Variants in URB1 observed in about 807,000 individuals in gnomAD.
URB1 encodes nucleolar pre-ribosomal-associated protein 1.
A neutral mutation model predicts 242.3 loss-of-function variants in URB1; 197 were observed. The ratio of observed to expected loss-of-function variants is 0.81; its 90% CI spans 0.72 to 0.91. The LOEUF (loss-of-function observed/expected upper bound fraction) is 0.91. Among genes scored for constraint, URB1 ranks in the 40% least tolerant of loss-of-function variants. The probability of loss-of-function intolerance (pLI) is 0.00; values close to 1 mark genes in which losing one functional copy is unlikely to be tolerated. For missense variants in URB1, 2,721 were observed against 2,860.5 expected, an observed-to-expected ratio of 0.95 and a Z score of 1.11; for synonymous variants, 1,153 against 1,201.8, an observed-to-expected ratio of 0.96 and a Z score of 0.84.
chr21:32,357,101 G>A (rs2033229366), intron 15 of URB1, among the ~76,000 whole-genome samples: 1 of 152,212 alleles, frequency 6.6e-6, no homozygotes, highest in African/African-American at 2.4e-5. Flanking sequence ...CTGGAAACAT[G>A]AGTATCAAGG....
rs1324197790 is a variant in URB1, at chr21:32,359,797, T to G, written c.1868A>C (p.Gln623Pro). 3 of 1,543,004 alleles carry G rather than the reference T, an allele frequency of 1.9e-6. No homozygotes were observed. Among genetic ancestry groups the G allele is most frequent in the Non-Finnish European group, 1.7e-6 (2 of 1,144,406 alleles). ...PASKFLWLKA[Q>P]EGPDAEIIGG... ...AAGACTGGGAGTTCTGCTTCCTACC[T>G]GTGCCTTTAACCACAGAAACTTGCT... The change falls in exon 14 of 39, where the codon CAG (glutamine) becomes CCG (proline). Residue 623 changes from glutamine (Q) to proline (P), a missense_variant and splice_region_variant. Transcript: ENST00000382751.
Position 32,363,281 on chromosome 21 carries a change from T to C in URB1, c.1384A>G (p.Ile462Val). ...ACAGTTTTTAATGCCCTCTTCAAAA[T>C]GACAGAAATAAGGGATAAGGCTGTG... ...RHTALSLISV[I>V]LKRALKTVDH... The change falls in exon 11 of 39, where the codon ATT becomes GTT. Residue 462 changes from isoleucine to valine, a missense_variant. By Grantham distance (29) the Ile-to-Val change is conservative. Coordinates refer to ENST00000382751, the MANE Select transcript of URB1 (RefSeq NM_014825.3). The C allele has an allele frequency of 6.4e-7, 1 of 1,551,800 alleles. No individual in the cohort carries two copies. The highest frequency in any genetic ancestry group is 8.7e-7 in the Non-Finnish European group (1 of 1,147,028).
intron 1 of URB1, among the ~76,000 whole-genome samples, chr21:32,392,236 TAATTA>T (rs1477899118): frequency 6.6e-6 from 1 of 152,204 alleles, no homozygotes; most frequent in Non-Finnish European, 1.5e-5. Flanking sequence ...ACAAAAAGTG[TAATTA>T]AATTATAGAG....
At chr21:32,325,104 A>G (rs998879649) in intron 31 of URB1, 125 bp downstream of exon 31, 1 of 1,239,594 alleles carries the variant, frequency 8.1e-7, no homozygotes, top group African/African-American at 1.5e-5. Flanking sequence ...TTCAGCAGAG[A>G]TCTCCCGGCA....
chr21:32,380,641 A>T (rs762264495), intron 4 of URB1, among the ~76,000 whole-genome samples: 29 of 152,202 alleles, frequency 1.9e-4, no homozygotes, highest in Non-Finnish European at 3.8e-4. Context: ...CTCCCAAGCC[A>T]TCTCTATGCC....
At chr21:32,384,204 C>A in intron 3 of URB1, 109 bp downstream of exon 3, 1 of 1,344,308 alleles carries the variant, frequency 7.4e-7, no homozygotes, top group Non-Finnish European at 1.0e-6. Flanking sequence ...TCGGAAATAG[C>A]TCAGCTCTCC....
intron 30 of URB1, among the ~76,000 whole-genome samples, chr21:32,329,654 T>TA (rs2032871230): frequency 2.0e-5 from 3 of 152,190 alleles, no homozygotes; most frequent in Non-Finnish European, 2.9e-5. Flanking sequence ...AGAAAATAGG[T>TA]TCCCATTTCC....
At chr21:32,329,696 G>A (rs2032871629) in intron 30 of URB1, among the ~76,000 whole-genome samples, 1 of 152,236 alleles carries the variant, frequency 6.6e-6, no homozygotes, top group Non-Finnish European at 1.5e-5. Flanking sequence ...CAGTGGGACT[G>A]TAATTACTCT....
At chr21:32,317,636 T>C (rs1214064535) in intron 37 of URB1, 40 bp downstream of exon 37, 5 of 1,544,974 alleles carry the variant, frequency 3.2e-6, no homozygotes, top group Non-Finnish European at 2.6e-6. Context: ...GAGAGAGACA[T>C]GTTGGCTACT....
Position 32,347,297 on chromosome 21 carries a change from C to G in URB1, c.3527G>C (p.Trp1176Ser). Reference sequence around the variant, plus strand: ...CAGGCCTCTCACATACTCGGAGGACCACAGGAGCTCACCACTCTGCAGCTG... The same window carrying G: ...CAGGCCTCTCACATACTCGGAGGACGACAGGAGCTCACCACTCTGCAGCTG... ...QDQLQSGELL[W>S]SSEYVRGLGA... is the part of the protein sequence containing the mutation. The change falls in exon 22 of 39, where the codon TGG (tryptophan) becomes TCG (serine). Residue 1176 changes from tryptophan (W) to serine (S), a missense_variant. Trp to Ser is a radical substitution (Grantham distance 177). Transcript: ENST00000382751. 6.4e-7 allele frequency: 1 copy of G among 1,551,192 alleles called. No individual in the cohort carries two copies. The highest frequency in any genetic ancestry group is 8.7e-7 in the Non-Finnish European group (1 of 1,146,988).
At chr21:32,357,717 T>C (rs2033238671) in intron 14 of URB1, 61 bp from the exon 15 acceptor site, 7 of 1,192,244 alleles carry the variant, frequency 5.9e-6, no homozygotes, top group Non-Finnish European at 7.4e-6. Flanking sequence ...AATTTTAATA[T>C]ATAGTTATAT....
intron 4 of URB1, among the ~76,000 whole-genome samples, chr21:32,381,183 A>T (rs578256268): frequency 7.2e-5 from 11 of 152,286 alleles, no homozygotes; most frequent in African/African-American, 2.2e-4. Context: ...AGTGGACCAC[A>T]TGCCTGCTCT....
In URB1 at chr21:32,338,857, C is replaced by T. The variant is rs766091348; in HGVS notation, c.4360G>A (p.Ala1454Thr). The T allele has an allele frequency of 4.1e-5, 63 of 1,550,552 alleles. No homozygotes were observed. Among genetic ancestry groups the T allele is most frequent in the Admixed American group, 3.5e-4 (18 of 50,928 alleles). ...TCTGGGCTGTACAGGAGCTGTACGG[C>T]GGTGAGGAGCATCTTTAAAAATGTG... is the stretch of plus-strand genomic sequence containing the variant. ...DHTFLKMLLT[A>T]VQLLYSPESS... is the part of the protein sequence containing the mutation. Residue 1454 changes from alanine to threonine, a missense_variant, in exon 26 of 39, where the codon GCC becomes ACC. Physicochemically the swap from Ala to Thr is moderately conservative, Grantham distance 58. Transcript: ENST00000382751.
At chr21:32,382,619 T>C (rs760964996) in intron 4 of URB1, among the ~76,000 whole-genome samples, 1 of 152,174 alleles carries the variant, frequency 6.6e-6, no homozygotes, top group African/African-American at 2.4e-5. Context: ...TGGGATGGAC[T>C]GATACCTGTC....
intron 24 of URB1, among the ~76,000 whole-genome samples, chr21:32,342,705 T>TGA (rs59301307): frequency 6.7e-6 from 1 of 148,338 alleles, no homozygotes; most frequent in African/African-American, 2.5e-5. Flanking sequence ...CAGGATCTCC[T>TGA]CTCGCTCCAG....
intron 36 of URB1, 95 bp downstream of exon 36, chr21:32,319,122 T>C: frequency 7.7e-7 from 1 of 1,294,148 alleles, no homozygotes; most frequent in Non-Finnish European, 1.1e-6. Context: ...GTCCCCCTGG[T>C]ACAGAGTCAT....
chr21:32,337,058 C>T, intron 28 of URB1, 36 bp downstream of exon 28: 1 of 1,544,340 alleles, frequency 6.5e-7, no homozygotes, highest in African/African-American at 1.4e-5. Flanking sequence ...CAGGCTGTGA[C>T]CTCAAGGCCT....
At chr21:32,319,507 C>T (rs2032739649) in intron 35 of URB1, 93 bp from the exon 36 acceptor site, 1 of 1,235,568 alleles carries the variant, frequency 8.1e-7, no homozygotes, top group Non-Finnish European at 1.1e-6. Flanking sequence ...TGCTCATCCC[C>T]CTAGATAAGC....
At position 32,392,775 on chromosome 21, in the gene URB1, C is replaced by T. The variant is rs1437863362; in HGVS notation, c.136G>A (p.Gly46Arg). 1.4e-6 allele frequency: 2 copies of T among 1,480,524 alleles called. No homozygotes were observed. The highest frequency in any genetic ancestry group is 4.3e-5 in the Admixed American group (2 of 46,196). The allele number at this position is 1,480,524 out of a possible 1,614,324, so 91.7% of individuals were successfully genotyped here. A position where few individuals can be genotyped will look rare whatever the true frequency, so the allele number is the denominator to read the frequency against. Residue 46 changes from glycine to arginine, a missense_variant, in exon 1 of 39, where the codon GGG (glycine) becomes AGG (arginine). Gly to Arg is a moderately radical substitution (Grantham distance 125, BLOSUM62 -2). Coordinates refer to ENST00000382751, the MANE Select transcript of URB1 (RefSeq NM_014825.3). ...CCTGCCGCCCCGGACTCACCTGGCC[C>T]GGGGCCCTGCGGGTCCTTCAGCTGA... Reference protein sequence around the residue: ...KAQLKDPQGPGPGLEAFVSAA... With the variant: ...KAQLKDPQGPRPGLEAFVSAA...
Sources: gnomAD v4.1 joint callset for allele counts (sites outside exome capture counted in the v4.1 genomes callset) on GRCh38, gnomAD v4.1.1 for gene constraint, MANE v1.5 for transcripts, NCBI Gene and HGNC (gene_info 2026-07-23, HGNC 2026-07-21) for gene names.